The following TNNC2 variants were observed in gnomAD, a reference collection of about 807,000 sequenced individuals.
The protein encoded by TNNC2 is troponin C, skeletal muscle.
TNNC2 carries 14 observed loss-of-function variants against 20.0 expected under a neutral mutation model. That is an observed-to-expected ratio of 0.70 (90% CI 0.46 to 1.09). The LOEUF (loss-of-function observed/expected upper bound fraction) is 1.09. TNNC2 is among the 50% of genes least tolerant of loss of function. The probability of loss-of-function intolerance (pLI) is 0.00; values close to 1 mark genes in which losing one functional copy is unlikely to be tolerated. For missense variants in TNNC2, 163 were observed against 223.8 expected (o/e 0.73, Z 1.73); for synonymous variants, 81 against 77.3 (o/e 1.05, Z -0.25).
At chr20:45,831,806 G>A (rs1983115611), upstream of TNNC2, among the ~76,000 whole-genome samples, 2 of 152,098 alleles carry the variant, frequency 1.3e-5, no homozygotes, top group African/African-American at 4.8e-5. Flanking sequence ...GAGGTGATAG[G>A]CCAGATTTCT....
upstream of TNNC2, among the ~76,000 whole-genome samples, chr20:45,828,020 AT>A (rs1287028109): frequency 6.6e-6 from 1 of 152,136 alleles, no homozygotes; most frequent in African/African-American, 2.4e-5. Context: ...AGCAACGATT[AT>A]CCCCACTTGA....
rs1256660603 is a variant in TNNC2, at chr20:45,824,833, G to C, written c.5C>G (p.Thr2Arg). 1 of 1,614,024 alleles carries C rather than the reference G, an allele frequency of 6.2e-7. No homozygotes were observed. Among genetic ancestry groups the C allele is most frequent in the South Asian group, 1.1e-5 (1 of 91,084 alleles). Residue 2 changes from threonine (T) to arginine (R), a missense_variant and splice_region_variant, in exon 2 of 6, where the codon ACG (threonine) becomes AGG (arginine). Physicochemically the swap from Thr to Arg is moderately conservative, Grantham distance 71. Transcript: ENST00000372555. Reference sequence around the variant, plus strand: ...GGACCTGGCCTCAGCCTGCTGGTCCGTCTGCAGGAGACACAGAGAAAGTCT... The same window carrying C: ...GGACCTGGCCTCAGCCTGCTGGTCCCTCTGCAGGAGACACAGAGAAAGTCT... MTDQQAEARSYL... is the reference protein window; with the variant it reads MRDQQAEARSYL...
At chr20:45,829,723 T>C (rs1983064907), upstream of TNNC2, among the ~76,000 whole-genome samples, 2 of 150,812 alleles carry the variant, frequency 1.3e-5, 1 homozygote, top group South Asian at 4.2e-4. Flanking sequence ...GAGGCAGAGC[T>C]TGCAGTGAGC....
chr20:45,827,306 C>T lies in TNNC2; in HGVS notation c.-58G>A, dbSNP rs1982998613. ...GTCGCCTCCTTTGCACTCCACCACC[C>T]AAAGATGACCTGGCCTGCTCTAGCC... On this transcript the variant is annotated 5_prime_UTR_variant, in exon 1 of 6. Coordinates refer to ENST00000372555, the MANE Select transcript of TNNC2 (RefSeq NM_003279.3). 2 of 1,613,022 alleles carry T rather than the reference C, an allele frequency of 1.2e-6. No homozygotes were observed. The highest frequency in any genetic ancestry group is 1.7e-6 in the Non-Finnish European group (2 of 1,179,336).
At chr20:45,828,418 A>G (rs1245874112), upstream of TNNC2, among the ~76,000 whole-genome samples, 1 of 152,122 alleles carries the variant, frequency 6.6e-6, no homozygotes, top group African/African-American at 2.4e-5. Flanking sequence ...CAGATGGAAA[A>G]ATGTATGGAG....
upstream of TNNC2, chr20:45,827,422 C>T (rs1983002093): frequency 1.4e-6 from 1 of 708,832 alleles, no homozygotes; most frequent in African/African-American, 1.8e-5. Flanking sequence ...TCAGCGAGTC[C>T]CACCCCTCCC....
upstream of TNNC2, among the ~76,000 whole-genome samples, chr20:45,827,835 G>C (rs750416872): frequency 9.2e-5 from 14 of 152,138 alleles, no homozygotes; most frequent in Non-Finnish European, 1.6e-4. Flanking sequence ...AGCTTGTGCT[G>C]GGTACACAGC....
Position 45,823,243 on chromosome 20 carries a change from G to T in TNNC2, c.*105C>A. Reference sequence around the variant, plus strand: ...GGAACATTTGCTTTTATTCCTTCCAGACAAAGACCCACAAGGGGTCGCGCC... The same window carrying T: ...GGAACATTTGCTTTTATTCCTTCCATACAAAGACCCACAAGGGGTCGCGCC... On this transcript the variant is annotated 3_prime_UTR_variant, in exon 6 of 6. Coordinates refer to ENST00000372555, the MANE Select transcript of TNNC2 (RefSeq NM_003279.3). The surrounding 1 kb of genome is among the most constrained non-coding windows in gnomAD (Gnocchi z 4.6). The T allele has an allele frequency of 8.8e-7, 1 of 1,142,040 alleles. No homozygotes were observed. The highest frequency in any genetic ancestry group is 1.2e-6 in the Non-Finnish European group (1 of 828,744). 70.7% of individuals were successfully genotyped at this position (1,142,040 alleles called of 1,614,324 possible). A position where few individuals can be genotyped will look rare whatever the true frequency, so the allele number is the denominator to read the frequency against.
chr20:45,825,165 T>C (rs541946417), intron 1 of TNNC2, among the ~76,000 whole-genome samples: 1 of 152,076 alleles, frequency 6.6e-6, no homozygotes, highest in African/African-American at 2.4e-5. Flanking sequence ...TTTGTAGAGA[T>C]GGGGTCCCAC....
chr20:45,823,936 C>A lies in TNNC2; in HGVS notation c.451+55G>T. The A allele has an allele frequency of 6.2e-7, 1 of 1,609,034 alleles. No individual in the cohort carries two copies. Among genetic ancestry groups the A allele is most frequent in the Non-Finnish European group, 8.5e-7 (1 of 1,176,902 alleles). ...ACTGCACCGGAGCCAGGCACCAGTGCCCGCCGTCCTCTGGGGCTCCCACCC... is the reference window on the plus strand; with the variant it reads ...ACTGCACCGGAGCCAGGCACCAGTGACCGCCGTCCTCTGGGGCTCCCACCC... On this transcript the variant is annotated intron_variant, in intron 5 of 5. Transcript: ENST00000372555. This position sits in a 1 kb window ranked among gnomAD's most constrained non-coding sequence, Gnocchi z 4.6.
rs1441449704 is a variant in TNNC2, at chr20:45,823,592, C to T, written c.452-213G>A. ...GCAGCCTTGATCTCCTAGGCTCAAG[C>T]GATCCTCTTACCTCAGCCCCCGGAG... On this transcript the variant is annotated intron_variant, in intron 5 of 5. Transcript: ENST00000372555. The surrounding 1 kb of genome is among the most constrained non-coding windows in gnomAD (Gnocchi z 4.6). 6.6e-6 allele frequency among the ~76,000 whole-genome samples: 1 copy of T among 152,118 alleles called. No individual in the cohort carries two copies. Among genetic ancestry groups the T allele is most frequent in the Non-Finnish European group, 1.5e-5 (1 of 68,012 alleles).
At chr20:45,824,468 C>T in intron 3 of TNNC2, 27 bp downstream of exon 3, 1 of 1,612,920 alleles carries the variant, frequency 6.2e-7, no homozygotes, top group Non-Finnish European at 8.5e-7. Flanking sequence ...CCCCACCATC[C>T]CCTGCCTCCG....
chr20:45,823,878 G>A lies in TNNC2; in HGVS notation c.451+113C>T. The A allele has an allele frequency of 6.5e-7, 1 of 1,539,084 alleles. No individual in the cohort carries two copies. The highest frequency in any genetic ancestry group is 1.2e-5 in the South Asian group (1 of 82,086). ...AGGAGACTATGGGGAACTTGGTGAAGTTACGCCCAGCCCAGCCCACAAGGC... is the reference window on the plus strand; with the variant it reads ...AGGAGACTATGGGGAACTTGGTGAAATTACGCCCAGCCCAGCCCACAAGGC... On this transcript the variant is annotated intron_variant, in intron 5 of 5. Transcript: ENST00000372555. The surrounding 1 kb of genome is among the most constrained non-coding windows in gnomAD (Gnocchi z 4.6).
At chr20:45,832,944 C>T (rs1485486585) in intron 2 of TNNC2, among the ~76,000 whole-genome samples, 3 of 152,206 alleles carry the variant, frequency 2.0e-5, no homozygotes, top group South Asian at 2.1e-4. Context: ...GAATTCGAGA[C>T]CAGCCTGGGC....
chr20:45,833,174 G>GAGAA (rs765557218), intron 2 of TNNC2: 2 of 111,118 alleles, frequency 1.8e-5, no homozygotes, highest in African/African-American at 2.9e-5. Flanking sequence ...AAGAGAGAGA[G>GAGAA]AGAAAGAAAG....
chr20:45,824,645 G>A lies in TNNC2; in HGVS notation c.56-7C>T. The stretch of plus-strand genomic sequence containing the variant: ...TCAAAGGCAGCCTTGAACTCTGCGA[G>A]GGAGGGCAGAGGGCAGAGGTGAGGC... On this transcript the variant is annotated splice_region_variant and splice_polypyrimidine_tract_variant and intron_variant, in intron 2 of 5. Coordinates refer to ENST00000372555, the MANE Select transcript of TNNC2 (RefSeq NM_003279.3). 1 of 1,608,644 alleles carries A rather than the reference G, an allele frequency of 6.2e-7. No homozygotes were observed. Among genetic ancestry groups the A allele is most frequent in the Non-Finnish European group, 8.5e-7 (1 of 1,179,702 alleles).
In TNNC2 at chr20:45,823,515, C is replaced by T. The variant is rs2145725753; in HGVS notation, c.452-136G>A. On this transcript the variant is annotated intron_variant, in intron 5 of 5. Transcript: ENST00000372555. This position sits in a 1 kb window ranked among gnomAD's most constrained non-coding sequence, Gnocchi z 4.6. The stretch of plus-strand genomic sequence containing the variant: ...CAGAGTCTCACTCTGTTGCCAAGGT[C>T]GCCAAGGTCTGTCACCCAGGCTAGA... 2.5e-6 allele frequency: 2 copies of T among 813,784 alleles called. No homozygotes were observed. The highest frequency in any genetic ancestry group is 3.8e-6 in the Non-Finnish European group (2 of 528,524). The allele number at this position is 813,784 out of a possible 1,614,324, so 50.4% of individuals were successfully genotyped here. A position where few individuals can be genotyped will look rare whatever the true frequency, so the allele number is the denominator to read the frequency against.
chr20:45,832,216 A>T (rs1983130947), upstream of TNNC2, among the ~76,000 whole-genome samples: 1 of 152,202 alleles, frequency 6.6e-6, no homozygotes, highest in South Asian at 2.1e-4. Context: ...AGGCTGAGGC[A>T]GGAGAATTGC....
Position 45,823,421 on chromosome 20 carries a change from G to A in TNNC2, c.452-42C>T. On this transcript the variant is annotated intron_variant, in intron 5 of 5. Transcript: ENST00000372555. The surrounding 1 kb of genome is among the most constrained non-coding windows in gnomAD (Gnocchi z 4.6). Reference sequence around the variant, plus strand: ...GGAGAGGGTCAGGGGTCCCACTGGGGACGCAGAGGCCAGGCCAGGGCTCCA... The same window carrying A: ...GGAGAGGGTCAGGGGTCCCACTGGGAACGCAGAGGCCAGGCCAGGGCTCCA... 1 of 1,572,496 alleles carries A rather than the reference G, an allele frequency of 6.4e-7. No homozygotes were observed. Among genetic ancestry groups the A allele is most frequent in the Non-Finnish European group, 8.6e-7 (1 of 1,158,158 alleles).
Sources: gnomAD v4.1 joint callset for allele counts (sites outside exome capture counted in the v4.1 genomes callset) on GRCh38, gnomAD v4.1.1 for gene constraint, Gnocchi (gnomAD v3.1) non-coding constraint, MANE v1.5 for transcripts, NCBI Gene and HGNC (gene_info 2026-07-23, HGNC 2026-07-21) for gene names.